STPG2: variants seen among roughly 807,000 people sequenced by gnomAD.
The protein encoded by STPG2 is sperm tail PG-rich repeat containing 2.
STPG2 carries 56 observed loss-of-function variants against 54.2 expected under a neutral mutation model. The observed-to-expected ratio is 1.03, with a 90% confidence interval of 0.83 to 1.29. STPG2 has a LOEUF of 1.29. Among genes scored for constraint, STPG2 ranks in the 50% most tolerant of loss-of-function variants. The pLI, the probability that STPG2 is intolerant of heterozygous loss-of-function variation, is 0.00. For missense variants in STPG2, 596 were observed against 544.9 expected (o/e 1.09, Z -0.93); for synonymous variants, 200 against 181.8 (o/e 1.10, Z -0.81).
rs760964071 is a variant in STPG2, at chr4:98,134,424, C to A, written c.145G>T (p.Glu49Ter). ...CTAGAGGCAATGGTAAAAGTACTTT[C>A]TCTGGCAGTCAAAGAAAGAAATGGT... The part of the protein sequence containing the change: ...NAPFLSLTAR[E>*]STFTIASSIE... Residue 49 changes from glutamate to a stop codon, truncating the protein, a stop_gained, in exon 2 of 11, where the codon GAA (glutamate) becomes TAA (stop). Coordinates refer to ENST00000295268, the MANE Select transcript of STPG2 (RefSeq NM_174952.3). LOFTEE classifies it high-confidence loss of function. The A allele has an allele frequency of 6.3e-7, 1 of 1,588,858 alleles. No individual in the cohort carries two copies. The highest frequency in any genetic ancestry group is 8.6e-7 in the Non-Finnish European group (1 of 1,165,148).
At chr4:97,578,457 T>C (rs2148889015) in intron 10 of STPG2, among the ~76,000 whole-genome samples, 1 of 152,230 alleles carries the variant, frequency 6.6e-6, no homozygotes, top group Non-Finnish European at 1.5e-5. Flanking sequence ...AAGGGAGCAG[T>C]GTTATGGAAC....
chr4:97,893,172 T>G (rs1482327136), intron 8 of STPG2: 1 of 151,968 alleles, frequency 6.6e-6, no homozygotes, highest in African/African-American at 2.4e-5. Flanking sequence ...GCCTATATCC[T>G]AAGTGCTATA....
At chr4:98,136,438 A>T (rs1288214302) in intron 1 of STPG2, among the ~76,000 whole-genome samples, 1 of 151,576 alleles carries the variant, frequency 6.6e-6, no homozygotes, top group Non-Finnish European at 1.5e-5. Flanking sequence ...TACCTAACAC[A>T]AAGACTATTT....
intron 10 of STPG2, among the ~76,000 whole-genome samples, chr4:97,704,410 C>G (rs761872181): frequency 6.6e-6 from 1 of 152,150 alleles, no homozygotes; most frequent in Non-Finnish European, 1.5e-5. Context: ...ATACCTCTGA[C>G]AGATATCCCA....
At chr4:97,531,888 G>T (rs1365362201) in intron 4 of STPG2, among the ~76,000 whole-genome samples, 1 of 152,156 alleles carries the variant, frequency 6.6e-6, no homozygotes, top group East Asian at 1.9e-4. Context: ...ATTTGTAACA[G>T]AAGGATAGAT....
intron 5 of STPG2, among the ~76,000 whole-genome samples, chr4:98,062,195 A>T (rs920460511): frequency 1.3e-5 from 2 of 152,208 alleles, no homozygotes; most frequent in African/African-American, 4.8e-5. Flanking sequence ...CTAATGCAGG[A>T]ACAGAAAACC....
At chr4:97,642,731 G>C (rs1721800023) in intron 10 of STPG2, among the ~76,000 whole-genome samples, 1 of 151,306 alleles carries the variant, frequency 6.6e-6, no homozygotes, top group Admixed American at 6.6e-5. Context: ...TTTTTGAATT[G>C]CTGAACTTAT....
chr4:97,747,724 C>T (rs1012518571), intron 9 of STPG2, among the ~76,000 whole-genome samples: 8 of 151,328 alleles, frequency 5.3e-5, no homozygotes, highest in Non-Finnish European at 7.4e-5. Flanking sequence ...CAAGACAAAG[C>T]GTGCATTTTT....
At chr4:97,598,543 G>T (rs1388842283) in intron 10 of STPG2, among the ~76,000 whole-genome samples, 1 of 146,198 alleles carries the variant, frequency 6.8e-6, no homozygotes, top group African/African-American at 2.6e-5. Context: ...AGCCCAAACA[G>T]CATGGTACTG....
At chr4:97,598,830 C>A (rs910883754) in intron 10 of STPG2, among the ~76,000 whole-genome samples, 1 of 151,996 alleles carries the variant, frequency 6.6e-6, no homozygotes, top group Admixed American at 6.6e-5. Context: ...TGAGAGATAA[C>A]CTAATAAATA....
chr4:97,699,801 A>G (rs1840684), intron 10 of STPG2, among the ~76,000 whole-genome samples: 151,740 of 152,308 alleles, frequency 1, 75,588 homozygotes, highest in Middle Eastern at 1. Flanking sequence ...TGAGGCCATC[A>G]GTGCAGGCTG....
At chr4:97,809,351 C>A (rs994790216) in intron 9 of STPG2, among the ~76,000 whole-genome samples, 2 of 152,108 alleles carry the variant, frequency 1.3e-5, no homozygotes, top group Admixed American at 6.6e-5. Flanking sequence ...AAGAAACCCC[C>A]CCAAGATTCC....
intron 5 of STPG2, among the ~76,000 whole-genome samples, chr4:98,056,081 C>T (rs996149837): frequency 2.6e-5 from 4 of 152,142 alleles, no homozygotes; most frequent in African/African-American, 9.7e-5. Flanking sequence ...ACTTGCAACA[C>T]CAGCACATGT....
intron 8 of STPG2, among the ~76,000 whole-genome samples, chr4:97,924,601 T>A (rs1160778017): frequency 1.3e-5 from 2 of 152,192 alleles, no homozygotes; most frequent in Admixed American, 1.3e-4. Flanking sequence ...GGGATATGAG[T>A]TCTTAAATGT....
At chr4:97,705,026 A>G (rs986069492) in intron 10 of STPG2, among the ~76,000 whole-genome samples, 3 of 152,114 alleles carry the variant, frequency 2.0e-5, no homozygotes, top group Non-Finnish European at 4.4e-5. Flanking sequence ...CTATAATTCT[A>G]CTCAGAAATC....
At chr4:98,041,815 C>A (rs565922343) in intron 5 of STPG2, among the ~76,000 whole-genome samples, 2 of 151,938 alleles carry the variant, frequency 1.3e-5, no homozygotes, top group Admixed American at 1.3e-4. Flanking sequence ...ATATCCTTGT[C>A]TGGCTTTGCT....
At chr4:97,907,037 A>G (rs1731456853) in intron 8 of STPG2, among the ~76,000 whole-genome samples, 1 of 151,542 alleles carries the variant, frequency 6.6e-6, no homozygotes, top group Non-Finnish European at 1.5e-5. Flanking sequence ...CAGGAGAAGG[A>G]AATAAAGGGT....
chr4:97,476,528 T>A (rs186462922), intron 4 of STPG2, among the ~76,000 whole-genome samples: 2 of 152,160 alleles, frequency 1.3e-5, no homozygotes, highest in African/African-American at 4.8e-5. Flanking sequence ...TTGCATTGTT[T>A]AGAATCTCTA....
intron 9 of STPG2, among the ~76,000 whole-genome samples, chr4:97,832,391 C>T (rs1158659277): frequency 2.0e-5 from 3 of 152,012 alleles, no homozygotes; most frequent in Non-Finnish European, 4.4e-5. Flanking sequence ...TCTTTATGAC[C>T]AACCCACAGC....
Sources: allele counts gnomAD v4.1 joint callset (sites outside exome capture counted in the v4.1 genomes callset), GRCh38; gene constraint gnomAD v4.1.1; transcripts MANE v1.5; gene names NCBI Gene and HGNC (gene_info 2026-07-23, HGNC 2026-07-21).